The following NRDC variants were observed in gnomAD, a reference collection of about 807,000 sequenced individuals.
NRDC encodes nardilysin convertase.
NRDC carries 54 observed loss-of-function variants against 147.1 expected under a neutral mutation model. The observed-to-expected ratio is 0.37, with a 90% CI of 0.29 to 0.46. NRDC has a LOEUF of 0.46. Among genes scored for constraint, NRDC ranks in the 20% least tolerant of loss-of-function variants. The pLI is 1.00. For synonymous variants in NRDC, 440 were observed against 482.1 expected, an observed-to-expected ratio of 0.91 and a Z score of 1.14; for missense variants, 1,082 against 1,370.6, an observed-to-expected ratio of 0.79 and a Z score of 3.33.
At chr1:51,841,392 C>T (rs1027959728) in intron 1 of NRDC, among the ~76,000 whole-genome samples, 2 of 152,134 alleles carry the variant, frequency 1.3e-5, no homozygotes, top group East Asian at 1.9e-4. Flanking sequence ...ACTGCAGCCT[C>T]GACCACCTGG....
rs752328779 is a variant in NRDC, at chr1:51,792,395, C to T, written c.2805G>A (p.Thr935=). 9.3e-6 allele frequency: 15 copies of T among 1,613,946 alleles called. No individual in the cohort carries two copies. Among genetic ancestry groups the T allele is most frequent in the Middle Eastern group, 1.6e-4 (1 of 6,084 alleles). The change falls in exon 25 of 31, where the codon ACG becomes ACA. Residue 935 remains threonine (T), a synonymous_variant. Transcript: ENST00000352171. ...CACTTACCACAAGCAGCTCCATAAG[C>T]GTATATTCTCTTAGACTCCTGGTAC... is the stretch of plus-strand genomic sequence containing the variant. ...QSGTRSLREY[T]LMELLVMHME...
chr1:51,829,501 A>T (rs966350747), intron 4 of NRDC, among the ~76,000 whole-genome samples: 3 of 152,104 alleles, frequency 2.0e-5, no homozygotes, highest in Non-Finnish European at 4.4e-5. Context: ...TCTGGCAAAA[A>T]TTTTCCATAT....
chr1:51,847,287 C>T (rs1210672553), intron 1 of NRDC, among the ~76,000 whole-genome samples: 1 of 152,238 alleles, frequency 6.6e-6, no homozygotes, highest in African/African-American at 2.4e-5. Flanking sequence ...TCCGAGTCCC[C>T]ACTAGACTCA....
chr1:51,846,645 G>A (rs946981150), intron 1 of NRDC, among the ~76,000 whole-genome samples: 4 of 152,208 alleles, frequency 2.6e-5, no homozygotes, highest in Admixed American at 2.6e-4. Flanking sequence ...CAGACCTTCA[G>A]GGTGAGTGTT....
chr1:51,806,291 T>C lies in NRDC; in HGVS notation c.2110+503A>G, dbSNP rs531319832. On this transcript the variant is annotated intron_variant, in intron 18 of 30. Transcript: ENST00000352171. ...AATGCTGGACTAGGCTATCTGTCTA[T>C]GAATAATTCCTTTGTGTATTCTTAT... 2.3e-4 allele frequency among the ~76,000 whole-genome samples: 35 copies of C among 152,386 alleles called. No individual in the cohort carries two copies. In the South Asian group the frequency reaches 6.0e-3, roughly 26 times the overall value.
At chr1:51,854,186 G>A (rs1336618974) in intron 1 of NRDC, among the ~76,000 whole-genome samples, 2 of 151,982 alleles carry the variant, frequency 1.3e-5, no homozygotes, top group African/African-American at 4.8e-5. Flanking sequence ...TGGCTAATAT[G>A]AGGAAACTCT....
In NRDC at chr1:51,814,546, A is replaced by T. The variant is rs1557907942; in HGVS notation, c.1619+5T>A. 6.2e-7 allele frequency: 1 copy of T among 1,613,362 alleles called. No individual in the cohort carries two copies. Among genetic ancestry groups the T allele is most frequent in the East Asian group, 2.2e-5 (1 of 44,844 alleles). On this transcript the variant is annotated splice_donor_5th_base_variant and intron_variant, in intron 13 of 30. Transcript: ENST00000352171. Reference sequence around the variant, plus strand: ...CCTGGCCTCATTCCAGGAAGTGTTTATTACCTTTTTTCTGGGCCTAGCTTC... The same window carrying T: ...CCTGGCCTCATTCCAGGAAGTGTTTTTTACCTTTTTTCTGGGCCTAGCTTC...
chr1:51,838,304 C>T (rs756074795), intron 2 of NRDC, among the ~76,000 whole-genome samples: 19 of 152,168 alleles, frequency 1.2e-4, no homozygotes, highest in Non-Finnish European at 2.4e-4. Context: ...AGAATTTGAT[C>T]TACCTAAGCA....
At position 51,834,041 on chromosome 1, in the gene NRDC, T is replaced by C. The variant is rs763690257; in HGVS notation, c.842A>G (p.Lys281Arg). Residue 281 changes from lysine to arginine, a missense_variant, in exon 4 of 31, where the codon AAG becomes AGG. Physicochemically the swap from Lys to Arg is conservative, Grantham distance 26. Transcript: ENST00000352171. ...RTVFQFDVQR[K>R]YFKEALDRWA... is the part of the protein sequence containing the mutation. ...CCTATCAAGAGCTTCCTTGAAGTAC[T>C]TCCTCTGGACATCAAACTGAAAGAC... 6.2e-7 allele frequency: 1 copy of C among 1,614,076 alleles called. No individual in the cohort carries two copies. Among genetic ancestry groups the C allele is most frequent in the South Asian group, 1.1e-5 (1 of 91,076 alleles).
chr1:51,808,540 C>T (rs551421005), intron 17 of NRDC, among the ~76,000 whole-genome samples: 1 of 152,254 alleles, frequency 6.6e-6, no homozygotes, highest in African/African-American at 2.4e-5. Context: ...CACTGATGGA[C>T]ATTTGGGCTG....
chr1:51,799,372 G>A (rs1679082881), intron 21 of NRDC, among the ~76,000 whole-genome samples: 1 of 150,952 alleles, frequency 6.6e-6, no homozygotes, highest in African/African-American at 2.4e-5. Flanking sequence ...AACAGGCCCT[G>A]GTGTGTGATG....
intron 1 of NRDC, among the ~76,000 whole-genome samples, chr1:51,848,897 C>T (rs184136893): frequency 6.4e-4 from 98 of 152,148 alleles, no homozygotes; most frequent in African/African-American, 2.2e-3. Context: ...TAGCAAAGAC[C>T]GACTCTAAGT....
At chr1:51,876,376 G>A (rs1045653177) in intron 1 of NRDC, among the ~76,000 whole-genome samples, 17 of 152,048 alleles carry the variant, frequency 1.1e-4, no homozygotes, top group Non-Finnish European at 5.9e-5. Context: ...TCTTGGGGAT[G>A]GGATGCAGTA....
At chr1:51,819,758 C>T in intron 9 of NRDC, 42 bp downstream of exon 9, 2 of 1,470,354 alleles carry the variant, frequency 1.4e-6, no homozygotes, top group African/African-American at 1.4e-5. Context: ...AGAGAATGTG[C>T]TAACATTATT....
At chr1:51,860,472 T>A (rs536686910) in intron 1 of NRDC, among the ~76,000 whole-genome samples, 1 of 152,222 alleles carries the variant, frequency 6.6e-6, no homozygotes, top group Non-Finnish European at 1.5e-5. Flanking sequence ...TAGCTCATTA[T>A]AGAGACTGCC....
At position 51,817,407 on chromosome 1, in the gene NRDC, C is replaced by A. The variant is rs145613301; in HGVS notation, c.1361+659G>T. Among the ~76,000 whole-genome samples, 5 of 149,060 alleles carry A rather than the reference C, an allele frequency of 3.4e-5. No homozygotes were observed. The East Asian group carries it at 8.0e-4, about 24-fold the overall frequency. ...TGACTGATCCTTAACTTAAATAATT[C>A]TCTGGCCCATGCTACACTGCTCATA... is the stretch of plus-strand genomic sequence containing the variant. On this transcript the variant is annotated intron_variant, in intron 10 of 30. Transcript: ENST00000352171.
chr1:51,861,515 T>A (rs899969580), intron 1 of NRDC, among the ~76,000 whole-genome samples: 1 of 125,652 alleles, frequency 8.0e-6, no homozygotes, highest in East Asian at 1.9e-4. Flanking sequence ...ATTATTATTT[T>A]TTTTTATTTT....
At chr1:51,800,836 G>A (rs1240102101) in intron 20 of NRDC, 153 bp from the exon 21 acceptor site, 20 of 696,576 alleles carry the variant, frequency 2.9e-5, no homozygotes, top group South Asian at 1.8e-4. Flanking sequence ...CAATTTGTTC[G>A]TTTGTTTGTT....
chr1:51,810,255 G>A, intron 16 of NRDC, 26 bp downstream of exon 16: 1 of 1,536,558 alleles, frequency 6.5e-7, no homozygotes, highest in South Asian at 1.2e-5. Context: ...ATACCTAAAT[G>A]TAAGACAATT....
Sources: allele counts gnomAD v4.1 joint callset (sites outside exome capture counted in the v4.1 genomes callset), GRCh38; gene constraint gnomAD v4.1.1; transcripts MANE v1.5; gene names NCBI Gene and HGNC (gene_info 2026-07-23, HGNC 2026-07-21).